Variants in EPAS1 observed in about 807,000 individuals in gnomAD.
EPAS1 encodes the protein endothelial PAS domain-containing protein 1.
A neutral mutation model predicts 87.9 loss-of-function variants in EPAS1; 23 were observed. The observed-to-expected ratio is 0.26, with a 90% confidence interval of 0.19 to 0.37. EPAS1 has a LOEUF of 0.37. Ranked by LOEUF, EPAS1 falls within the 10% of genes least tolerant of loss-of-function variation. EPAS1 has a pLI of 1.00. For synonymous variants in EPAS1, 508 were observed against 444.3 expected, an observed-to-expected ratio of 1.14 and a Z score of -1.80; for missense variants, 1,138 against 1,120.7, an observed-to-expected ratio of 1.02 and a Z score of -0.22.
intron 4 of EPAS1, among the ~76,000 whole-genome samples, chr2:46,359,573 G>A (rs1324852739): frequency 6.6e-6 from 1 of 152,236 alleles, no homozygotes; most frequent in African/African-American, 2.4e-5. Context: ...GTCTGTTACT[G>A]AGTGGGGTCC....
intron 6 of EPAS1, among the ~76,000 whole-genome samples, chr2:46,363,843 G>A (rs1684451423): frequency 6.6e-6 from 1 of 152,208 alleles, no homozygotes; most frequent in African/African-American, 2.4e-5. Context: ...TGGTGCTGGA[G>A]AGCTGCATGT....
chr2:46,342,238 A>G (rs1683928237), intron 1 of EPAS1, among the ~76,000 whole-genome samples: 1 of 151,884 alleles, frequency 6.6e-6, no homozygotes, highest in South Asian at 2.1e-4. Flanking sequence ...GGGACCAGTG[A>G]CTCTTTCTCA....
At chr2:46,334,377 A>T (rs1466971841) in intron 1 of EPAS1, among the ~76,000 whole-genome samples, 1 of 152,148 alleles carries the variant, frequency 6.6e-6, no homozygotes, top group Admixed American at 6.5e-5. Flanking sequence ...CAGATTCTCA[A>T]TGCCTTGCTC....
chr2:46,315,064 C>T (rs181376782), intron 1 of EPAS1, among the ~76,000 whole-genome samples: 1 of 152,332 alleles, frequency 6.6e-6, no homozygotes, highest in Non-Finnish European at 1.5e-5. Context: ...TGTTAGATGG[C>T]TGATATGATC....
rs144690004 is a variant in EPAS1, at chr2:46,378,577, G to T, written c.1444-80G>T. The T allele has an allele frequency of 2.4e-4, 286 of 1,184,294 alleles. 3 individuals carry two copies. In the East Asian group the frequency reaches 6.5e-3, roughly 27 times the overall value. 73.4% of individuals were successfully genotyped at this position (1,184,294 alleles called of 1,614,324 possible). ...GAATTGAACCTTTGGGTCCAGGAAG[G>T]TATTTCTTCTTCCATGCTGGACTTC... On this transcript the variant is annotated intron_variant, in intron 10 of 15. Transcript: ENST00000263734.
chr2:46,360,835 C>A lies in EPAS1; in HGVS notation c.574-50C>A. 2 of 1,612,542 alleles carry A rather than the reference C, an allele frequency of 1.2e-6. No homozygotes were observed. The highest frequency in any genetic ancestry group is 1.1e-5 in the South Asian group (1 of 91,040). Reference sequence around the variant, plus strand: ...CAGGGGATGCCTAAGGCCCTACCCCCACCCCCAGCACTCTCGGCTCCATGT... The same window carrying A: ...CAGGGGATGCCTAAGGCCCTACCCCAACCCCCAGCACTCTCGGCTCCATGT... On this transcript the variant is annotated intron_variant, in intron 5 of 15. Transcript: ENST00000263734. This position sits in a 1 kb window ranked among gnomAD's most constrained non-coding sequence, Gnocchi z 4.5.
chr2:46,315,464 A>AC (rs1488801841), intron 1 of EPAS1, among the ~76,000 whole-genome samples: 1 of 152,154 alleles, frequency 6.6e-6, no homozygotes, highest in African/African-American at 2.4e-5. Context: ...CAGGTACATC[A>AC]AGTTCTGGAT....
chr2:46,365,685 A>G (rs1388412637), intron 6 of EPAS1, among the ~76,000 whole-genome samples: 1 of 152,264 alleles, frequency 6.6e-6, no homozygotes, highest in Non-Finnish European at 1.5e-5. Context: ...TATTTGAGGA[A>G]AACACAAGGC....
chr2:46,329,498 G>C (rs1398539369), intron 1 of EPAS1, among the ~76,000 whole-genome samples: 1 of 152,156 alleles, frequency 6.6e-6, no homozygotes, highest in African/African-American at 2.4e-5. Flanking sequence ...CCTATTAATT[G>C]GCCTGTGCTC....
At chr2:46,322,890 A>C (rs553608747) in intron 1 of EPAS1, among the ~76,000 whole-genome samples, 1 of 152,250 alleles carries the variant, frequency 6.6e-6, no homozygotes, top group Non-Finnish European at 1.5e-5. Flanking sequence ...GGAATCTTTC[A>C]CACACTGCTC....
chr2:46,313,560 T>A (rs1416709081), intron 1 of EPAS1, among the ~76,000 whole-genome samples: 1 of 152,118 alleles, frequency 6.6e-6, no homozygotes, highest in Non-Finnish European at 1.5e-5. Flanking sequence ...CAAGCGATTC[T>A]CCCACCTCGG....
At chr2:46,368,794 A>G (rs1263015278) in intron 6 of EPAS1, among the ~76,000 whole-genome samples, 1 of 152,236 alleles carries the variant, frequency 6.6e-6, no homozygotes, top group African/African-American at 2.4e-5. Flanking sequence ...TAAACAAGAC[A>G]GTGAAGCCAT....
chr2:46,313,745 C>T (rs1683259281), intron 1 of EPAS1, among the ~76,000 whole-genome samples: 1 of 152,176 alleles, frequency 6.6e-6, no homozygotes, highest in South Asian at 2.1e-4. Context: ...GCCACGGTGA[C>T]CAGCCCCACA....
intron 1 of EPAS1, among the ~76,000 whole-genome samples, chr2:46,319,444 T>G (rs1317079072): frequency 6.6e-6 from 1 of 152,266 alleles, no homozygotes; most frequent in South Asian, 2.1e-4. Flanking sequence ...CTTTCTTCTT[T>G]ATACAGTTGT....
At chr2:46,378,816 G>C (rs1472768253) in intron 11 of EPAS1, 49 bp downstream of exon 11, 5 of 1,471,292 alleles carry the variant, frequency 3.4e-6, no homozygotes, top group Non-Finnish European at 4.8e-6. Flanking sequence ...CTGTCTGGTG[G>C]ACAGCAAAGG....
chr2:46,379,995 AGGGTGAAGAG>A, intron 11 of EPAS1: 1 of 645,830 alleles, frequency 1.5e-6, no homozygotes, highest in Non-Finnish European at 2.8e-6. Flanking sequence ...CTCAATGTGC[AGGGTGAAGAG>A]GGGATAAACA....
chr2:46,328,264 T>G (rs1449225414), intron 1 of EPAS1, among the ~76,000 whole-genome samples: 1 of 152,208 alleles, frequency 6.6e-6, no homozygotes, highest in East Asian at 1.9e-4. Context: ...TGAGTGGGTC[T>G]TGAAGAATGA....
In EPAS1 at chr2:46,371,457, C is replaced by G. The variant is rs1338066907; in HGVS notation, c.886+1524C>G. On this transcript the variant is annotated intron_variant, in intron 7 of 15. Transcript: ENST00000263734. The surrounding 1 kb of genome is among the most constrained non-coding windows in gnomAD (Gnocchi z 4.3). ...TCAGAGAAGTTTCTCACTGTGCTCT[C>G]TGGCAAAACACACACGCGCACACAC... Among the ~76,000 whole-genome samples the G allele has an allele frequency of 2.0e-5, 3 of 152,176 alleles. No homozygotes were observed. The highest frequency in any genetic ancestry group is 4.4e-5 in the Non-Finnish European group (3 of 68,036).
chr2:46,366,051 G>T (rs1205395803), intron 6 of EPAS1, among the ~76,000 whole-genome samples: 1 of 152,112 alleles, frequency 6.6e-6, no homozygotes, highest in Non-Finnish European at 1.5e-5. Context: ...TACTCGTGTA[G>T]GGAACAGGGG....
Sources: gnomAD v4.1 joint callset for allele counts (sites outside exome capture counted in the v4.1 genomes callset) on GRCh38, gnomAD v4.1.1 for gene constraint, Gnocchi (gnomAD v3.1) non-coding constraint, MANE v1.5 for transcripts, NCBI Gene and HGNC (gene_info 2026-07-23, HGNC 2026-07-21) for gene names.